ADGRG1: variants seen among roughly 807,000 people sequenced by gnomAD.
ADGRG1 encodes adhesion G protein-coupled receptor G1.
ADGRG1 carries 53 observed loss-of-function variants against 73.5 expected under a neutral mutation model. That is an observed-to-expected ratio of 0.72 (90% CI 0.58 to 0.91). The LOEUF is 0.91. Among genes scored for constraint, ADGRG1 ranks in the 40% least tolerant of loss-of-function variants. ADGRG1 has a pLI of 0.00. For synonymous variants in ADGRG1, 394 were observed against 374.4 expected, an observed-to-expected ratio of 1.05 and a Z score of -0.60; for missense variants, 795 against 871.8, an observed-to-expected ratio of 0.91 and a Z score of 1.11.
At position 57,628,755 on chromosome 16, in the gene ADGRG1, GGT is replaced by G; in HGVS notation, c.-81_-80del. 1.0e-6 allele frequency: 1 copy of G among 985,556 alleles called. No homozygotes were observed. Among genetic ancestry groups the G allele is most frequent in the Non-Finnish European group, 1.2e-6 (1 of 829,990 alleles). The allele number at this position is 985,556 out of a possible 1,614,324, so 61.1% of individuals were successfully genotyped here. ...AAGCCTCTGGGGGTGGATCCTGAAAGGTGGTCCAGCCGCCTGGCCCTGCGTGG... is the reference window on the plus strand; with the variant it reads ...AAGCCTCTGGGGGTGGATCCTGAAAGGGTCCAGCCGCCTGGCCCTGCGTGG... On this transcript the variant is annotated 5_prime_UTR_variant, in exon 1 of 14. Coordinates refer to ENST00000562631, the MANE Select transcript of ADGRG1 (RefSeq NM_201525.4).
At chr16:57,650,470 G>C (rs2043767936) in intron 2 of ADGRG1, 119 bp downstream of exon 2, 1 of 1,572,450 alleles carries the variant, frequency 6.4e-7, no homozygotes, top group South Asian at 1.1e-5. Flanking sequence ...GGCTAGTGGA[G>C]GGTACCTTGG....
At chr16:57,626,646 C>A (rs2147076832), upstream of ADGRG1, 9 of 985,320 alleles carry the variant, frequency 9.1e-6, no homozygotes, top group South Asian at 4.2e-4. Flanking sequence ...TCTCTTCAGC[C>A]ATCTGCAGAG....
At position 57,644,892 on chromosome 16, in the gene ADGRG1, GCA is replaced by G. The variant is rs552554069; in HGVS notation, c.-35-5353_-35-5352del. 1.6e-3 allele frequency among the ~76,000 whole-genome samples: 216 copies of G among 137,164 alleles called. 1 individual carries two copies. Among genetic ancestry groups the G allele is most frequent in the African/African-American group, 4.5e-3 (163 of 35,912 alleles). 90.0% of individuals were successfully genotyped at this position (137,164 alleles called of 152,430 possible). A position where few individuals can be genotyped will look rare whatever the true frequency, so the allele number is the denominator to read the frequency against. ...CACACACATGTACACTCATGCATGG[GCA>G]CACACACTCATCACTTCATAACTCA... On this transcript the variant is annotated intron_variant, in intron 1 of 13. Transcript: ENST00000562631.
At chr16:57,634,062 C>G (rs2038725020) in intron 1 of ADGRG1, 2 of 985,078 alleles carry the variant, frequency 2.0e-6, no homozygotes, top group East Asian at 2.3e-4. Context: ...GGCCATGGCC[C>G]TAGCCCTGGA....
intron 1 of ADGRG1, chr16:57,644,290 C>A: frequency 4.5e-6 from 3 of 664,586 alleles, no homozygotes; most frequent in Non-Finnish European, 5.6e-6. Flanking sequence ...ATCACACACT[C>A]ATGCTCAGGC....
chr16:57,661,099 C>T (rs1049484193), intron 12 of ADGRG1: 1 of 204,122 alleles, frequency 4.9e-6, no homozygotes, highest in Non-Finnish European at 8.6e-6. Context: ...GGCCCCGGCC[C>T]TTCTCTGAGC....
At chr16:57,625,539 C>T (rs1285614380), upstream of ADGRG1, 1 of 984,224 alleles carries the variant, frequency 1.0e-6, no homozygotes. Flanking sequence ...GACCCAACTT[C>T]CCCTCTACTC....
At chr16:57,623,907 C>A, upstream of ADGRG1, 1 of 771,818 alleles carries the variant, frequency 1.3e-6, no homozygotes, top group Non-Finnish European at 1.6e-6. Flanking sequence ...ACTCTGTTGC[C>A]AACTTGCTGC....
intron 9 of ADGRG1, 109 bp from the exon 10 acceptor site, chr16:57,657,264 T>C: frequency 1.3e-6 from 2 of 1,545,608 alleles, no homozygotes; most frequent in Non-Finnish European, 1.8e-6. Context: ...AGGGGGTTCT[T>C]AGGCTTCCGA....
At chr16:57,653,945 C>A (rs778348649) in intron 4 of ADGRG1, 41 bp from the exon 5 acceptor site, 1 of 1,612,474 alleles carries the variant, frequency 6.2e-7, no homozygotes. Flanking sequence ...GGTGGCCCGG[C>A]CCCCTCCCCA....
Position 57,655,570 on chromosome 16 carries a change from G to GT in ADGRG1, c.900+47dup, listed in dbSNP as rs145581686. The GT allele has an allele frequency of 9.0e-3, 14,507 of 1,612,812 alleles. 1,149 individuals are homozygous for GT. In the African/African-American group the frequency reaches 0.17, roughly 19 times the overall value. Reference sequence around the variant, plus strand: ...CCCTCATGCCTCCCAGGAGAAAGCAGTTTTTTTCTGACAGAGGTGGAAAGA... The same window carrying GT: ...CCCTCATGCCTCCCAGGAGAAAGCAGTTTTTTTTCTGACAGAGGTGGAAAGA... On this transcript the variant is annotated intron_variant, in intron 6 of 13. Transcript: ENST00000562631.
At chr16:57,650,691 A>C (rs908866682) in intron 2 of ADGRG1, among the ~76,000 whole-genome samples, 1 of 145,056 alleles carries the variant, frequency 6.9e-6, no homozygotes, top group Non-Finnish European at 1.5e-5. Context: ...TGAAATTACT[A>C]TTCGTTTTCA....
upstream of ADGRG1, chr16:57,626,733 T>G (rs532249553): frequency 1.7e-4 from 165 of 985,192 alleles, no homozygotes; most frequent in African/African-American, 2.3e-4. Flanking sequence ...GTGGTGGTGG[T>G]GGGGGGACAG....
upstream of ADGRG1, chr16:57,628,036 G>C (rs2036196346): frequency 1.0e-6 from 1 of 980,148 alleles, no homozygotes; most frequent in Non-Finnish European, 1.2e-6. Context: ...GTGGGTGCTT[G>C]AGGAGCACTG....
At chr16:57,620,396 T>G (rs555553751), upstream of ADGRG1, among the ~76,000 whole-genome samples, 16 of 152,082 alleles carry the variant, frequency 1.1e-4, no homozygotes, top group South Asian at 3.3e-3. Context: ...AGCTGGCAGG[T>G]GTGAGGTGTG....
At chr16:57,626,234 A>G (rs80162166), upstream of ADGRG1, among the ~76,000 whole-genome samples, 2 of 152,276 alleles carry the variant, frequency 1.3e-5, no homozygotes, top group Non-Finnish European at 2.9e-5. Flanking sequence ...GTGGTACCCA[A>G]CCCACAGGGT....
intron 10 of ADGRG1, chr16:57,659,002 C>A (rs947451365): frequency 1.0e-6 from 1 of 984,812 alleles, no homozygotes; most frequent in Admixed American, 6.2e-5. Context: ...CAGACCGATG[C>A]GGGCAGCCCA....
At chr16:57,643,921 G>A (rs1434845926) in intron 1 of ADGRG1, 7 of 980,988 alleles carry the variant, frequency 7.1e-6, no homozygotes, top group Admixed American at 6.1e-5. Context: ...GGGGTGGGGC[G>A]TAGCCCTGAG....
intron 10 of ADGRG1, 47 bp downstream of exon 10, chr16:57,657,538 C>T (rs1489723564): frequency 1.5e-6 from 2 of 1,356,116 alleles, no homozygotes; most frequent in Non-Finnish European, 2.1e-6. Flanking sequence ...CTCCATTGCA[C>T]ACACCTCCAC....
Sources: gnomAD v4.1 joint callset for allele counts (sites outside exome capture counted in the v4.1 genomes callset) on GRCh38, gnomAD v4.1.1 for gene constraint, MANE v1.5 for transcripts, NCBI Gene and HGNC (gene_info 2026-07-23, HGNC 2026-07-21) for gene names.